Variants in DLC1 observed in about 807,000 individuals in gnomAD.
DLC1 encodes the protein rho GTPase-activating protein 7.
A neutral mutation model predicts 140.3 loss-of-function variants in DLC1; 54 were observed. The observed-to-expected ratio is 0.38, with a 90% confidence interval of 0.31 to 0.48. DLC1 has a LOEUF of 0.48. Among genes scored for constraint, DLC1 ranks in the 20% least tolerant of loss-of-function variants. The pLI is 0.96. For synonymous variants in DLC1, 986 were observed against 728.1 expected (o/e 1.35, Z -5.70); for missense variants, 2,536 against 1,907.0 (o/e 1.33, Z -6.14).
intron 2 of DLC1, among the ~76,000 whole-genome samples, chr8:13,427,653 C>G (rs1161245648): frequency 6.6e-6 from 1 of 152,188 alleles, no homozygotes; most frequent in Non-Finnish European, 1.5e-5. Context: ...CTCAATCCCA[C>G]TTCCCGTGGA....
At chr8:13,241,539 A>T (rs917784911) in intron 5 of DLC1, among the ~76,000 whole-genome samples, 5 of 152,190 alleles carry the variant, frequency 3.3e-5, no homozygotes, top group Non-Finnish European at 7.3e-5. Context: ...CTTAAAACTG[A>T]TATTTCAGTA....
intron 1 of DLC1, among the ~76,000 whole-genome samples, chr8:13,590,678 G>A (rs1473740491): frequency 1.3e-5 from 2 of 151,954 alleles, no homozygotes; most frequent in African/African-American, 4.8e-5. Context: ...TATTTGCATT[G>A]TCCAAAAATT....
intron 5 of DLC1, among the ~76,000 whole-genome samples, chr8:13,152,868 T>TGAAAAGCTGCTGCCATTTTTGCCTTAGA (rs1823938499): frequency 2.7e-5 from 4 of 150,584 alleles, no homozygotes; most frequent in Admixed American, 2.6e-4. Context: ...GTCAATTATC[T>TGAAAAGCTGCTGCCATTTTTGCCTTAGA]GAAAAGCTGC....
chr8:13,483,984 G>T lies in DLC1; in HGVS notation c.1023+15065C>A, dbSNP rs562456568. On this transcript the variant is annotated intron_variant, in intron 2 of 17. Coordinates refer to ENST00000276297, the MANE Select transcript of DLC1 (RefSeq NM_182643.3). ...TAGTCTAGCTACTAGGGAGGCTGAG[G>T]CAAGAGAATCGATTGAACCTGGGAG... 1.8e-3 allele frequency among the ~76,000 whole-genome samples: 276 copies of T among 152,212 alleles called. 2 individuals are homozygous for T. The highest frequency in any genetic ancestry group is 4.9e-4 in the Non-Finnish European group (33 of 68,016).
chr8:13,198,439 G>T (rs572923164), intron 5 of DLC1, among the ~76,000 whole-genome samples: 1 of 152,130 alleles, frequency 6.6e-6, no homozygotes, highest in African/African-American at 2.4e-5. Context: ...GTCATTTCAG[G>T]ACAGTTTTCC....
intron 5 of DLC1, among the ~76,000 whole-genome samples, chr8:13,246,674 C>T (rs1004007317): frequency 2.7e-5 from 4 of 150,032 alleles, no homozygotes; most frequent in African/African-American, 7.4e-5. Flanking sequence ...TTTTTTTCTA[C>T]GCGACCACAT....
chr8:13,390,217 T>A (rs1836689513), intron 4 of DLC1, among the ~76,000 whole-genome samples: 1 of 152,136 alleles, frequency 6.6e-6, no homozygotes, highest in Non-Finnish European at 1.5e-5. Flanking sequence ...AAAAATAACA[T>A]GCCCACACAC....
At chr8:13,383,952 CTG>C (rs1836390506) in intron 4 of DLC1, among the ~76,000 whole-genome samples, 3 of 152,176 alleles carry the variant, frequency 2.0e-5, no homozygotes, top group Non-Finnish European at 4.4e-5. Context: ...ATGCGTGGAA[CTG>C]TGAGATTAGC....
intron 2 of DLC1, among the ~76,000 whole-genome samples, chr8:13,409,895 G>C (rs1182920964): frequency 6.6e-6 from 1 of 152,052 alleles, no homozygotes; most frequent in East Asian, 1.9e-4. Flanking sequence ...CCTACGGGGA[G>C]GCTAAGCTAT....
chr8:13,498,108 G>A (rs1238946934), intron 2 of DLC1, among the ~76,000 whole-genome samples: 1 of 152,190 alleles, frequency 6.6e-6, no homozygotes, highest in Non-Finnish European at 1.5e-5. Flanking sequence ...TGTATCAAGA[G>A]AGGGGCAAGG....
At chr8:13,226,866 A>G (rs1471871143) in intron 5 of DLC1, among the ~76,000 whole-genome samples, 5 of 152,196 alleles carry the variant, frequency 3.3e-5, no homozygotes, top group Non-Finnish European at 5.9e-5. Context: ...TGTCCTGGGT[A>G]TAGCCTTGAT....
chr8:13,285,564 C>T (rs186619690), intron 5 of DLC1, among the ~76,000 whole-genome samples: 6 of 152,122 alleles, frequency 3.9e-5, no homozygotes, highest in Admixed American at 6.5e-5. Context: ...TGAAAAGATG[C>T]CCAACGTCAT....
chr8:13,214,611 C>T, intron 5 of DLC1: 2 of 774,526 alleles, frequency 2.6e-6, no homozygotes, highest in Non-Finnish European at 4.8e-6. Flanking sequence ...AGTGTTCTGC[C>T]AGGCACACAC....
At chr8:13,417,314 T>C (rs1838111357) in intron 2 of DLC1, among the ~76,000 whole-genome samples, 1 of 151,784 alleles carries the variant, frequency 6.6e-6, no homozygotes, top group Non-Finnish European at 1.5e-5. Context: ...ACCCATTAAC[T>C]CGTCATTTAG....
intron 1 of DLC1, among the ~76,000 whole-genome samples, chr8:13,601,348 G>T (rs1805876670): frequency 6.6e-6 from 1 of 151,718 alleles, no homozygotes; most frequent in African/African-American, 2.4e-5. Flanking sequence ...CCCTGTCTGA[G>T]AAAATTGTGA....
intron 5 of DLC1, among the ~76,000 whole-genome samples, chr8:13,247,720 G>C (rs1370569326): frequency 1.3e-5 from 2 of 152,180 alleles, no homozygotes; most frequent in Admixed American, 6.5e-5. Context: ...TTGAAGATAT[G>C]TGGAAAATAT....
intron 1 of DLC1, among the ~76,000 whole-genome samples, chr8:13,589,759 G>T (rs1382189186): frequency 6.6e-6 from 1 of 150,462 alleles, no homozygotes. Context: ...TTCCAACAGA[G>T]ATTGTGTAAA....
chr8:13,134,390 G>C (rs1822396005), intron 5 of DLC1, among the ~76,000 whole-genome samples: 1 of 152,120 alleles, frequency 6.6e-6, no homozygotes. Context: ...GAGCAAAAGA[G>C]ACAAATATCC....
chr8:13,301,643 A>C (rs1832195352), intron 5 of DLC1, among the ~76,000 whole-genome samples: 1 of 152,066 alleles, frequency 6.6e-6, no homozygotes, highest in African/African-American at 2.4e-5. Flanking sequence ...GGACGGGTTC[A>C]CTCTTTAGAG....
Sources: gnomAD v4.1 joint callset for allele counts (sites outside exome capture counted in the v4.1 genomes callset) on GRCh38, gnomAD v4.1.1 for gene constraint, MANE v1.5 for transcripts, NCBI Gene and HGNC (gene_info 2026-07-23, HGNC 2026-07-21) for gene names.